Variants in ADGRG2 observed in about 807,000 individuals in gnomAD.
ADGRG2 encodes the protein adhesion G protein-coupled receptor G2.
ADGRG2 carries 26 observed loss-of-function variants against 74.1 expected under a neutral mutation model. The observed-to-expected ratio is 0.35, with a 90% CI of 0.26 to 0.49. The LOEUF (loss-of-function observed/expected upper bound fraction) is 0.49. ADGRG2 is among the 20% of genes least tolerant of loss of function. ADGRG2 has a pLI of 0.99. For missense variants in ADGRG2, 619 were observed against 763.1 expected, an observed-to-expected ratio of 0.81 and a Z score of 2.22; for synonymous variants, 296 against 295.2, an observed-to-expected ratio of 1.00 and a Z score of -0.03.
chrX:19,089,332 G>T (rs941304410), intron 1 of ADGRG2, among the ~76,000 whole-genome samples: 11 of 110,269 alleles, frequency 1.0e-4, no homozygotes, highest in African/African-American at 3.6e-4. Context: ...ATAACTAGTG[G>T]GTTCTAGGCT....
intron 15 of ADGRG2, among the ~76,000 whole-genome samples, chrX:19,014,547 T>TG (rs2146594179): frequency 8.9e-6 from 1 of 112,303 alleles, no homozygotes; most frequent in South Asian, 3.7e-4. Flanking sequence ...TGAATCAAGC[T>TG]GGGGCAAAAG....
intron 4 of ADGRG2, among the ~76,000 whole-genome samples, chrX:19,039,719 T>C (rs2061017115): frequency 8.9e-6 from 1 of 111,964 alleles, no homozygotes. Flanking sequence ...CCAATCTGGG[T>C]TCTAATGTAT....
At chrX:19,018,703 C>T (rs2060521462) in intron 15 of ADGRG2, among the ~76,000 whole-genome samples, 1 of 111,424 alleles carries the variant, frequency 9.0e-6, no homozygotes, top group Admixed American at 9.6e-5. Flanking sequence ...TGAACTTTTT[C>T]GTATTTAACT....
chrX:19,062,497 G>A (rs1298558145), intron 3 of ADGRG2, among the ~76,000 whole-genome samples: 1 of 112,083 alleles, frequency 8.9e-6, no homozygotes, highest in Non-Finnish European at 1.9e-5. Flanking sequence ...GGGTCAGTGG[G>A]GGTTGTGAGA....
At chrX:19,109,714 C>A (rs2062378835) in intron 1 of ADGRG2, among the ~76,000 whole-genome samples, 1 of 111,640 alleles carries the variant, frequency 9.0e-6, no homozygotes, top group Non-Finnish European at 1.9e-5. Context: ...TCCACGTGAT[C>A]CTCCCAAATG....
intron 13 of ADGRG2, 127 bp from the exon 14 acceptor site, chrX:19,021,325 C>G: frequency 5.8e-6 from 3 of 514,019 alleles, no homozygotes; most frequent in Non-Finnish European, 1.0e-5. Context: ...TGATGTCACC[C>G]CAATAAGCTT....
chrX:19,032,339 C>A (rs2060842319), intron 8 of ADGRG2: 1 of 111,472 alleles, frequency 9.0e-6, no homozygotes, highest in African/African-American at 3.3e-5. Flanking sequence ...TGTCTATAAG[C>A]AAATATACTT....
At chrX:19,019,174 C>T (rs781111957) in intron 15 of ADGRG2, among the ~76,000 whole-genome samples, 214 of 111,562 alleles carry the variant, frequency 1.9e-3, no homozygotes, top group African/African-American at 6.4e-3. Context: ...GATCAGATAT[C>T]AATTAGAAAA....
At chrX:19,093,608 G>A (rs1484382836) in intron 1 of ADGRG2, among the ~76,000 whole-genome samples, 2 of 111,155 alleles carry the variant, frequency 1.8e-5, no homozygotes, top group Admixed American at 9.6e-5. Flanking sequence ...TGAAGATGAC[G>A]GTGACCTAGA....
intron 3 of ADGRG2, among the ~76,000 whole-genome samples, chrX:19,047,966 CT>C (rs2061229109): frequency 9.0e-6 from 1 of 111,551 alleles, no homozygotes; most frequent in Non-Finnish European, 1.9e-5. Context: ...TTAAAAAAAA[CT>C]TCGGCTCTTA....
At chrX:19,043,820 G>T (rs1270180480) in intron 3 of ADGRG2, among the ~76,000 whole-genome samples, 1 of 108,387 alleles carries the variant, frequency 9.2e-6, no homozygotes, top group Non-Finnish European at 1.9e-5. Context: ...ATGGCCAAGT[G>T]TGGTTCGAGC....
chrX:19,039,189 G>A, intron 4 of ADGRG2: 1 of 330,793 alleles, frequency 3.0e-6, no homozygotes. Flanking sequence ...AAGGCAGGAA[G>A]GTGGTGGCCA....
At position 19,088,768 on chromosome X, in the gene ADGRG2, C is replaced by A. The variant is rs188008549; in HGVS notation, c.-46-6022G>T. Among the ~76,000 whole-genome samples, 77 of 111,670 alleles carry A rather than the reference C, an allele frequency of 6.9e-4. No individual in the cohort carries two copies. In the East Asian group the frequency reaches 0.02, roughly 29 times the overall value. On this transcript the variant is annotated intron_variant, in intron 1 of 28. Coordinates refer to ENST00000379869, the MANE Select transcript of ADGRG2 (RefSeq NM_001079858.3). The stretch of plus-strand genomic sequence containing the variant: ...TACAGGTGTGAGCCACCACACCTGG[C>A]CTGATATTGTATTTTCAATGATGAG...
At chrX:19,115,134 C>G (rs748411020) in intron 1 of ADGRG2, among the ~76,000 whole-genome samples, 2 of 111,592 alleles carry the variant, frequency 1.8e-5, no homozygotes, top group South Asian at 7.6e-4. Flanking sequence ...CACGCTTAAC[C>G]TAAAGAAATT....
chrX:19,063,008 T>TAAAA (rs3056190), intron 3 of ADGRG2, among the ~76,000 whole-genome samples: 215 of 96,331 alleles, frequency 2.2e-3, no homozygotes, highest in Middle Eastern at 0.011. Flanking sequence ...TTCAAAGATT[T>TAAAA]AAAAAAAAAA....
At chrX:19,004,909 C>A in intron 22 of ADGRG2, 30 bp from the exon 23 acceptor site, 1 of 1,096,461 alleles carries the variant, frequency 9.1e-7, no homozygotes, top group East Asian at 3.0e-5. Flanking sequence ...TTTTAATAAT[C>A]AAATATTTTT....
At chrX:19,063,773 G>A (rs993495254) in intron 3 of ADGRG2, among the ~76,000 whole-genome samples, 1 of 112,020 alleles carries the variant, frequency 8.9e-6, no homozygotes, top group African/African-American at 3.2e-5. Context: ...CACTGGGGAG[G>A]GGGATTTAAT....
chrX:19,016,867 C>T (rs1314841318), intron 15 of ADGRG2, among the ~76,000 whole-genome samples: 1 of 109,133 alleles, frequency 9.2e-6, no homozygotes, highest in Non-Finnish European at 1.9e-5. Flanking sequence ...GCTGGGACTA[C>T]AGGTGTACAT....
At chrX:19,081,381 C>T (rs1396234083) in intron 2 of ADGRG2, among the ~76,000 whole-genome samples, 1 of 111,781 alleles carries the variant, frequency 8.9e-6, no homozygotes, top group Non-Finnish European at 1.9e-5. Context: ...CACTGCAGGG[C>T]TGGGGCAGGG....
Sources: gnomAD v4.1 joint callset for allele counts (sites outside exome capture counted in the v4.1 genomes callset) on GRCh38, gnomAD v4.1.1 for gene constraint, MANE v1.5 for transcripts, NCBI Gene and HGNC (gene_info 2026-07-23, HGNC 2026-07-21) for gene names.